The following PDIA5 variants were observed in gnomAD, a reference collection of about 807,000 sequenced individuals.
PDIA5 encodes protein disulfide-isomerase A5.
Under a neutral mutation model 77.6 loss-of-function variants are expected in PDIA5, and 58 were observed. That is an observed-to-expected ratio of 0.75 (90% CI 0.61 to 0.93). The LOEUF (loss-of-function observed/expected upper bound fraction) is 0.93. Ranked by LOEUF, PDIA5 falls within the 40% of genes least tolerant of loss-of-function variation. The pLI is 0.00. For synonymous variants in PDIA5, 250 were observed against 252.1 expected (o/e 0.99, Z 0.08); for missense variants, 630 against 647.7 (o/e 0.97, Z 0.30).
At chr3:123,108,741 C>G (rs1934796792) in intron 6 of PDIA5, among the ~76,000 whole-genome samples, 1 of 151,856 alleles carries the variant, frequency 6.6e-6, no homozygotes, top group Non-Finnish European at 1.5e-5. Context: ...AAAAAATTAG[C>G]CAGGCATGGT....
chr3:123,143,181 C>T (rs1480141317), intron 11 of PDIA5, among the ~76,000 whole-genome samples: 4 of 151,646 alleles, frequency 2.6e-5, no homozygotes, highest in Admixed American at 6.6e-5. Flanking sequence ...GTCAGGAGAT[C>T]GAGACCATCC....
intron 1 of PDIA5, among the ~76,000 whole-genome samples, chr3:123,075,653 G>T (rs1933835783): frequency 6.6e-6 from 1 of 152,140 alleles, no homozygotes; most frequent in Non-Finnish European, 1.5e-5. Flanking sequence ...GAAAATTCTG[G>T]CTGTGAGTGG....
intron 3 of PDIA5, 54 bp from the exon 4 acceptor site, chr3:123,102,357 C>T: frequency 7.1e-7 from 1 of 1,405,028 alleles, no homozygotes; most frequent in Non-Finnish European, 1.0e-6. Context: ...TTGCTGTCAA[C>T]ACCTTTGTGA....
intron 1 of PDIA5, among the ~76,000 whole-genome samples, chr3:123,084,234 C>T (rs1444234283): frequency 6.6e-6 from 1 of 152,170 alleles, no homozygotes; most frequent in East Asian, 1.9e-4. Flanking sequence ...CACTTCCTTG[C>T]ACCTTCCCAT....
chr3:123,131,880 G>C (rs1013366080), intron 11 of PDIA5, among the ~76,000 whole-genome samples: 3 of 151,934 alleles, frequency 2.0e-5, no homozygotes, highest in African/African-American at 7.3e-5. Context: ...AGAGTGTTGT[G>C]AGTAAGAGAT....
intron 2 of PDIA5, 61 bp downstream of exon 2, chr3:123,089,355 G>T (rs1338327039): frequency 6.4e-7 from 1 of 1,555,360 alleles, no homozygotes. Context: ...TCAGGGGAAG[G>T]AGTGGGAGGC....
intron 1 of PDIA5, among the ~76,000 whole-genome samples, chr3:123,068,844 T>G (rs893850699): frequency 3.9e-5 from 6 of 152,214 alleles, no homozygotes; most frequent in Non-Finnish European, 8.8e-5. Context: ...TGCTGTGACC[T>G]TAAGTACTAG....
intron 1 of PDIA5, among the ~76,000 whole-genome samples, chr3:123,079,276 G>A (rs935807632): frequency 6.7e-6 from 1 of 150,118 alleles, no homozygotes; most frequent in African/African-American, 2.5e-5. Flanking sequence ...CGCCTCCTGG[G>A]TTCACGCCAT....
At chr3:123,151,889 C>T (rs1324891867) in intron 14 of PDIA5, among the ~76,000 whole-genome samples, 1 of 139,732 alleles carries the variant, frequency 7.2e-6, no homozygotes, top group Non-Finnish European at 1.6e-5. Flanking sequence ...TCCTGCCTGC[C>T]TTCCTTCCTG....
At chr3:123,156,459 C>A (rs1936021291) in intron 15 of PDIA5, among the ~76,000 whole-genome samples, 1 of 152,240 alleles carries the variant, frequency 6.6e-6, no homozygotes, top group Non-Finnish European at 1.5e-5. Flanking sequence ...TGTCCATGTC[C>A]CTCATTGTTC....
chr3:123,129,369 C>T (rs1397043131), intron 10 of PDIA5, among the ~76,000 whole-genome samples: 1 of 152,204 alleles, frequency 6.6e-6, no homozygotes, highest in Non-Finnish European at 1.5e-5. Flanking sequence ...CCAGTGGGGC[C>T]CAGTCAGAAG....
At chr3:123,138,021 C>G (rs1296412187) in intron 11 of PDIA5, among the ~76,000 whole-genome samples, 1 of 152,206 alleles carries the variant, frequency 6.6e-6, no homozygotes, top group African/African-American at 2.4e-5. Context: ...TCATAGCTCA[C>G]TGCAATTTCA....
intron 6 of PDIA5, among the ~76,000 whole-genome samples, chr3:123,110,272 C>G (rs1315178762): frequency 2.7e-4 from 41 of 152,242 alleles, no homozygotes; most frequent in Non-Finnish European, 1.0e-4. Context: ...TAATAACATG[C>G]CTGGCACTGT....
intron 15 of PDIA5, among the ~76,000 whole-genome samples, chr3:123,159,576 T>C (rs988719637): frequency 6.6e-6 from 1 of 152,232 alleles, no homozygotes; most frequent in African/African-American, 2.4e-5. Context: ...CAAATTGTTG[T>C]ATTAAATCTT....
intron 11 of PDIA5, among the ~76,000 whole-genome samples, chr3:123,131,140 C>T (rs1443634179): frequency 6.6e-6 from 1 of 152,184 alleles, no homozygotes; most frequent in Non-Finnish European, 1.5e-5. Context: ...GCATGTGGTG[C>T]ACACTTGTAG....
chr3:123,114,781 T>C (rs1198993514), intron 7 of PDIA5, among the ~76,000 whole-genome samples: 1 of 152,228 alleles, frequency 6.6e-6, no homozygotes, highest in Non-Finnish European at 1.5e-5. Context: ...TCTTATCTTC[T>C]GAGGGCAGAT....
chr3:123,091,339 G>A (rs1934276858), intron 2 of PDIA5, among the ~76,000 whole-genome samples: 3 of 152,230 alleles, frequency 2.0e-5, no homozygotes, highest in Admixed American at 6.5e-5. Flanking sequence ...TGCTTGGCTT[G>A]GGGATGTATC....
intron 11 of PDIA5, among the ~76,000 whole-genome samples, chr3:123,131,437 C>A (rs1311652501): frequency 6.6e-6 from 1 of 151,234 alleles, no homozygotes; most frequent in Non-Finnish European, 1.5e-5. Flanking sequence ...AAGACCCTGT[C>A]TCTAAAAACA....
At chr3:123,069,113 A>G (rs116804910) in intron 1 of PDIA5, among the ~76,000 whole-genome samples, 2,099 of 152,266 alleles carry the variant, frequency 0.014, 43 homozygotes, top group African/African-American at 0.048. Flanking sequence ...TAGGAGGTGG[A>G]GGGAGCATGC....
Sources: allele counts gnomAD v4.1 joint callset (sites outside exome capture counted in the v4.1 genomes callset), GRCh38; gene constraint gnomAD v4.1.1; transcripts MANE v1.5; gene names NCBI Gene and HGNC (gene_info 2026-07-23, HGNC 2026-07-21).